TSPAN8: variants seen among roughly 807,000 people sequenced by gnomAD.
TSPAN8 encodes tetraspanin 8.
TSPAN8 carries 21 observed loss-of-function variants against 32.8 expected under a neutral mutation model. The ratio of observed to expected loss-of-function variants is 0.64; its 90% confidence interval spans 0.45 to 0.92. The LOEUF is 0.92. Among genes scored for constraint, TSPAN8 ranks in the 40% least tolerant of loss-of-function variants. TSPAN8 has a pLI of 0.00. For missense variants in TSPAN8, 269 were observed against 281.9 expected (o/e 0.95, Z 0.33); for synonymous variants, 95 against 94.6 (o/e 1.00, Z -0.03).
At chr12:71,156,947 G>A (rs1197896143) in intron 2 of TSPAN8, 2 of 151,988 alleles carry the variant, frequency 1.3e-5, no homozygotes, top group African/African-American at 4.8e-5. Context: ...CAATTTGTTG[G>A]TTATGTCTAT....
intron 7 of TSPAN8, 101 bp from the exon 8 acceptor site, chr12:71,129,515 A>G (rs780039165): frequency 5.8e-5 from 71 of 1,229,006 alleles, no homozygotes; most frequent in Non-Finnish European, 7.4e-5. Flanking sequence ...CATTGCTATC[A>G]AGAAACACAC....
intron 3 of TSPAN8, among the ~76,000 whole-genome samples, chr12:71,143,525 A>G (rs1000980763): frequency 1.3e-5 from 2 of 152,166 alleles, no homozygotes; most frequent in African/African-American, 4.8e-5. Context: ...AAAATGGGTC[A>G]TGTTCATCTT....
intron 6 of TSPAN8, 27 bp from the exon 7 acceptor site, chr12:71,132,851 G>T (rs768769333): frequency 5.0e-6 from 8 of 1,612,814 alleles, no homozygotes; most frequent in Non-Finnish European, 6.8e-6. Flanking sequence ...AGAATGAGAA[G>T]CAGTCAGTAA....
chr12:71,140,608 A>G (rs1871872891), intron 3 of TSPAN8, among the ~76,000 whole-genome samples: 1 of 152,186 alleles, frequency 6.6e-6, no homozygotes, highest in South Asian at 2.1e-4. Flanking sequence ...AGGGAAAAAA[A>G]ATCCTAGAGC....
intron 3 of TSPAN8, among the ~76,000 whole-genome samples, chr12:71,140,143 T>G (rs1397622522): frequency 1.3e-5 from 2 of 152,212 alleles, no homozygotes; most frequent in African/African-American, 4.8e-5. Flanking sequence ...CTTGATGTAA[T>G]CTTTGGTTCA....
intron 8 of TSPAN8, 37 bp from the exon 9 acceptor site, chr12:71,125,424 AG>A (rs1224856566): frequency 1.3e-6 from 2 of 1,542,592 alleles, no homozygotes; most frequent in Non-Finnish European, 1.8e-6. Context: ...ATGGAATTTA[AG>A]GGAAAACACT....
intron 6 of TSPAN8, among the ~76,000 whole-genome samples, chr12:71,137,728 A>C (rs1346620697): frequency 2.6e-5 from 4 of 152,216 alleles, no homozygotes; most frequent in Non-Finnish European, 4.4e-5. Flanking sequence ...CCTGTCATAA[A>C]TGTATCTTCT....
At chr12:71,126,161 A>C (rs1871344424) in intron 8 of TSPAN8, among the ~76,000 whole-genome samples, 1 of 152,174 alleles carries the variant, frequency 6.6e-6, no homozygotes, top group South Asian at 2.1e-4. Context: ...GGAGGAAGGC[A>C]AAGTGACATT....
At chr12:71,148,855 G>A (rs982327786) in intron 2 of TSPAN8, among the ~76,000 whole-genome samples, 1 of 151,952 alleles carries the variant, frequency 6.6e-6, no homozygotes, top group Admixed American at 6.6e-5. Context: ...ATCTCATCCC[G>A]TTGTTTTCCA....
chr12:71,139,576 C>G, intron 4 of TSPAN8, 135 bp downstream of exon 4: 1 of 1,228,154 alleles, frequency 8.1e-7, no homozygotes, highest in East Asian at 2.4e-5. Flanking sequence ...TCAGCTTCCA[C>G]AATCAAACCT....
In TSPAN8 at chr12:71,125,484, G is replaced by T. The variant is rs564472079; in HGVS notation, c.661-97C>A. ...AGAACATTATATATGAAAAGATTTTGTATATTGACAGTTCCAATCTTATCT... is the reference window on the plus strand; with the variant it reads ...AGAACATTATATATGAAAAGATTTTTTATATTGACAGTTCCAATCTTATCT... On this transcript the variant is annotated intron_variant, in intron 8 of 8. Coordinates refer to ENST00000247829, the MANE Select transcript of TSPAN8 (RefSeq NM_004616.3). The T allele has an allele frequency of 1.6e-4, 166 of 1,035,870 alleles. 1 individual carries two copies. In the South Asian group the frequency reaches 2.6e-3, roughly 16 times the overall value. 64.2% of individuals were successfully genotyped at this position (1,035,870 alleles called of 1,614,324 possible). A position where few individuals can be genotyped will look rare whatever the true frequency, so the allele number is the denominator to read the frequency against.
chr12:71,129,261 A>G, intron 8 of TSPAN8, 70 bp downstream of exon 8: 1 of 1,390,124 alleles, frequency 7.2e-7, no homozygotes, highest in Non-Finnish European at 9.6e-7. Flanking sequence ...TTTGTTCACC[A>G]TCAATATTTC....
Position 71,129,418 on chromosome 12 carries a change from T to C in TSPAN8, c.577-4A>G. The C allele has an allele frequency of 1.3e-6, 2 of 1,542,094 alleles. No homozygotes were observed. Among genetic ancestry groups the C allele is most frequent in the Non-Finnish European group, 1.7e-6 (2 of 1,149,558 alleles). On this transcript the variant is annotated splice_region_variant and splice_polypyrimidine_tract_variant and intron_variant, in intron 7 of 8. Coordinates refer to ENST00000247829, the MANE Select transcript of TSPAN8 (RefSeq NM_004616.3). ...CTTTTATGAAAGAAATACAGGTCTG[T>C]TAAAAAAAAAAAACATTAAAAGTTA... is the stretch of plus-strand genomic sequence containing the variant.
chr12:71,139,248 C>G, intron 4 of TSPAN8: 1 of 457,580 alleles, frequency 2.2e-6, no homozygotes, highest in Non-Finnish European at 4.4e-6. Context: ...CACTGTACTG[C>G]CACGTTGTCT....
At chr12:71,135,033 G>C (rs2137049196) in intron 6 of TSPAN8, among the ~76,000 whole-genome samples, 1 of 152,298 alleles carries the variant, frequency 6.6e-6, no homozygotes, top group Non-Finnish European at 1.5e-5. Context: ...CAGGGAATTT[G>C]TGCGGGAAAT....
intron 8 of TSPAN8, among the ~76,000 whole-genome samples, chr12:71,125,751 G>T (rs370298675): frequency 1.6e-4 from 25 of 152,126 alleles, no homozygotes; most frequent in South Asian, 6.2e-4. Context: ...GGTCCCTGGG[G>T]GCTAAATATA....
Position 71,148,989 on chromosome 12 carries a change from G to A in TSPAN8, c.61-4776C>T, listed in dbSNP as rs372121170. Among the ~76,000 whole-genome samples, 39 of 152,202 alleles carry A rather than the reference G, an allele frequency of 2.6e-4. 1 individual carries two copies. In the South Asian group the frequency reaches 7.9e-3, roughly 31 times the overall value. ...AGGATTCTAGAATATTTATTTCAGGGATGTGTGCTTGTCCTCTAAGTCTTC... is the reference window on the plus strand; with the variant it reads ...AGGATTCTAGAATATTTATTTCAGGAATGTGTGCTTGTCCTCTAAGTCTTC... On this transcript the variant is annotated intron_variant, in intron 2 of 8. Transcript: ENST00000247829.
chr12:71,153,411 C>T (rs975493264), intron 2 of TSPAN8, among the ~76,000 whole-genome samples: 14 of 152,164 alleles, frequency 9.2e-5, no homozygotes, highest in African/African-American at 3.4e-4. Flanking sequence ...AAATGGAAAT[C>T]ACCATATACT....
Position 71,151,069 on chromosome 12 carries a change from T to TA in TSPAN8, c.60+6549_60+6550insT, listed in dbSNP as rs574138206. Among the ~76,000 whole-genome samples, 31 of 151,232 alleles carry TA rather than the reference T, an allele frequency of 2.0e-4. No individual in the cohort carries two copies. The South Asian group carries it at 5.4e-3, about 26-fold the overall frequency. On this transcript the variant is annotated intron_variant, in intron 2 of 8. Coordinates refer to ENST00000247829, the MANE Select transcript of TSPAN8 (RefSeq NM_004616.3). ...TGATTGCATTCACGTGCATCTTATT[T>TA]TTTTTTTTTTTTGAGATGGAGTCTC...
Sources: allele counts gnomAD v4.1 joint callset (sites outside exome capture counted in the v4.1 genomes callset), GRCh38; gene constraint gnomAD v4.1.1; transcripts MANE v1.5; gene names NCBI Gene and HGNC (gene_info 2026-07-23, HGNC 2026-07-21).